Variants in GCFC2 observed in about 807,000 individuals in gnomAD.
The protein encoded by GCFC2 is intron Large complex component GCFC2.
Under a neutral mutation model 99.4 loss-of-function variants are expected in GCFC2, and 102 were observed. That is an observed-to-expected ratio of 1.03 (90% CI 0.87 to 1.21). GCFC2 has a LOEUF of 1.21. Among genes scored for constraint, GCFC2 ranks in the 50% most tolerant of loss-of-function variants. The pLI, the probability that GCFC2 is intolerant of heterozygous loss-of-function variation, is 0.00. For synonymous variants in GCFC2, 338 were observed against 316.8 expected (o/e 1.07, Z -0.71); for missense variants, 973 against 920.9 (o/e 1.06, Z -0.73).
At chr2:75,701,581 T>C (rs1398649075) in intron 3 of GCFC2, among the ~76,000 whole-genome samples, 1 of 152,196 alleles carries the variant, frequency 6.6e-6, no homozygotes, top group African/African-American at 2.4e-5. Flanking sequence ...CAAAACACTA[T>C]AGCCCTATAT....
At chr2:75,680,108 T>G in intron 12 of GCFC2, 85 bp downstream of exon 12, 1 of 903,836 alleles carries the variant, frequency 1.1e-6, no homozygotes, top group Non-Finnish European at 1.7e-6. Flanking sequence ...TAATCACTTC[T>G]GCATCTTTTA....
chr2:75,702,798 T>A (rs984701227), intron 2 of GCFC2, among the ~76,000 whole-genome samples: 2 of 152,024 alleles, frequency 1.3e-5, no homozygotes, highest in Non-Finnish European at 2.9e-5. Flanking sequence ...TGTTCCCCAA[T>A]CAGTGAGAGC....
intron 11 of GCFC2, among the ~76,000 whole-genome samples, chr2:75,685,467 C>T (rs1431945469): frequency 6.6e-6 from 1 of 152,154 alleles, no homozygotes; most frequent in Admixed American, 6.5e-5. Context: ...GACTTATCAT[C>T]AACAATTCCA....
At chr2:75,689,363 C>A in intron 9 of GCFC2, 138 bp from the exon 10 acceptor site, 1 of 547,050 alleles carries the variant, frequency 1.8e-6, no homozygotes, top group Non-Finnish European at 3.2e-6. Context: ...TTTATTAAAT[C>A]ACTTTATCAA....
chr2:75,706,745 G>T, intron 1 of GCFC2, 94 bp from the exon 2 acceptor site: 1 of 751,268 alleles, frequency 1.3e-6, no homozygotes, highest in Non-Finnish European at 2.1e-6. Flanking sequence ...TGTATAATAC[G>T]GTGTTTTAAT....
rs576080724 is a variant in GCFC2, at chr2:75,707,619, C to T, written c.266-968G>A. Among the ~76,000 whole-genome samples the T allele has an allele frequency of 2.1e-3, 327 of 152,278 alleles. 1 individual carries two copies. Among genetic ancestry groups the T allele is most frequent in the Non-Finnish European group, 3.8e-3 (261 of 68,022 alleles). On this transcript the variant is annotated intron_variant, in intron 1 of 16. Transcript: ENST00000321027. ...TTAGATATTGTCATTTATGACAACC[C>T]ATACCTGTTTCCAAAGTGGATTAAC...
At chr2:75,671,193 TC>T (rs1486688737) in intron 14 of GCFC2, among the ~76,000 whole-genome samples, 1 of 152,208 alleles carries the variant, frequency 6.6e-6, no homozygotes, top group Non-Finnish European at 1.5e-5. Context: ...TTCTACAGAT[TC>T]CCTGAAGCCT....
intron 4 of GCFC2, among the ~76,000 whole-genome samples, chr2:75,699,760 A>G (rs1680494342): frequency 6.6e-6 from 1 of 151,762 alleles, no homozygotes; most frequent in Admixed American, 6.6e-5. Context: ...TGTTTTTAGT[A>G]GAGTTCAGGT....
At chr2:75,712,493 G>C (rs1681227873), upstream of GCFC2, among the ~76,000 whole-genome samples, 1 of 152,124 alleles carries the variant, frequency 6.6e-6, no homozygotes, top group Non-Finnish European at 1.5e-5. Flanking sequence ...CAGGCCGCTG[G>C]GCTCTACCAA....
rs1401035241 is a variant in GCFC2 at position 75,670,191 on chromosome 2, TA to T, written c.2049del (p.Ile684Ter). The T allele has an allele frequency of 1.2e-6, 2 of 1,606,802 alleles. No individual in the cohort carries two copies. Among genetic ancestry groups the T allele is most frequent in the Non-Finnish European group, 1.7e-6 (2 of 1,173,324 alleles). On this transcript the variant is annotated frameshift_variant, in exon 15 of 17. Transcript: ENST00000321027. LOFTEE classifies it high-confidence loss of function. The stretch of plus-strand genomic sequence containing the variant: ...CCAGGTGTGGCATTGAGAAGTGCTA[TA>T]ATAAGGTAACGATTTAGCAGCTTCC... ...GLGKLLNRYLIIALLNATPGP... is the reference protein window; with the variant it reads ...GLGKLLNRYLXIALLNATPGP...
upstream of GCFC2, among the ~76,000 whole-genome samples, chr2:75,711,823 C>T (rs936886018): frequency 6.6e-6 from 1 of 152,264 alleles, no homozygotes; most frequent in East Asian, 1.9e-4. Context: ...GTGCAGGGCT[C>T]GGGACCTGCA....
intron 2 of GCFC2, among the ~76,000 whole-genome samples, chr2:75,705,052 T>C (rs1042269690): frequency 1.3e-5 from 2 of 152,204 alleles, no homozygotes; most frequent in African/African-American, 4.8e-5. Flanking sequence ...AAAATTCAAT[T>C]TCTCAGTCTC....
At chr2:75,696,767 T>TTTTACTTTTC (rs1247455969) in intron 4 of GCFC2, among the ~76,000 whole-genome samples, 3 of 152,056 alleles carry the variant, frequency 2.0e-5, no homozygotes, top group African/African-American at 2.4e-5. Context: ...TAGGTAAAGT[T>TTTTACTTTTC]TTTACTTTTC....
intron 15 of GCFC2, chr2:75,669,908 A>G: frequency 3.4e-6 from 1 of 292,840 alleles, no homozygotes. Context: ...TATCTTTAGT[A>G]GAGACGGAGT....
intron 11 of GCFC2, among the ~76,000 whole-genome samples, chr2:75,680,812 AT>A (rs1679540509): frequency 6.6e-6 from 1 of 151,976 alleles, no homozygotes; most frequent in Admixed American, 6.6e-5. Context: ...TTACTTCCTA[AT>A]TTGCTAAGAA....
intron 10 of GCFC2, among the ~76,000 whole-genome samples, chr2:75,688,695 C>T (rs1433125159): frequency 6.6e-6 from 1 of 152,134 alleles, no homozygotes; most frequent in Non-Finnish European, 1.5e-5. Flanking sequence ...TCATCTCCAA[C>T]TTAAGAATTC....
chr2:75,710,298 A>G, intron 1 of GCFC2: 1 of 427,542 alleles, frequency 2.3e-6, no homozygotes, highest in South Asian at 7.5e-5. Context: ...AACTTTGATA[A>G]CTGTGTTAGT....
rs201596149 is a variant in GCFC2 at position 75,694,997 on chromosome 2, TGA to T, written c.834-572_834-571del. Reference sequence around the variant, plus strand: ...CACTGGTTATTTTATTTTTTAACAATGAGAGTGTATGGTCTTTTTAAAATAAA... The same window carrying T: ...CACTGGTTATTTTATTTTTTAACAATGAGTGTATGGTCTTTTTAAAATAAA... On this transcript the variant is annotated intron_variant, in intron 5 of 16. Coordinates refer to ENST00000321027, the MANE Select transcript of GCFC2 (RefSeq NM_003203.5). Among the ~76,000 whole-genome samples the T allele has an allele frequency of 9.9e-3, 1,513 of 152,172 alleles. 29 individuals are homozygous for T. Among genetic ancestry groups the T allele is most frequent in the African/African-American group, 0.035 (1,445 of 41,546 alleles).
chr2:75,682,221 C>A (rs1679613002), intron 11 of GCFC2, among the ~76,000 whole-genome samples: 1 of 151,802 alleles, frequency 6.6e-6, no homozygotes, highest in Non-Finnish European at 1.5e-5. Flanking sequence ...GCGGATGACC[C>A]TCTGAGACGA....
Sources: gnomAD v4.1 joint callset for allele counts (sites outside exome capture counted in the v4.1 genomes callset) on GRCh38, gnomAD v4.1.1 for gene constraint, MANE v1.5 for transcripts, NCBI Gene and HGNC (gene_info 2026-07-23, HGNC 2026-07-21) for gene names.